ATG9A: variants seen among roughly 807,000 people sequenced by gnomAD.
The protein encoded by ATG9A is autophagy-related protein 9A.
In ATG9A, 21 loss-of-function variants were observed where a neutral mutation model predicts 87.1. That is an observed-to-expected ratio of 0.24 (90% CI 0.17 to 0.35). The LOEUF (loss-of-function observed/expected upper bound fraction) is 0.35. Ranked by LOEUF, ATG9A falls within the 10% of genes least tolerant of loss-of-function variation. The pLI is 1.00. For missense variants in ATG9A, 836 were observed against 1,107.3 expected (o/e 0.76, Z 3.48); for synonymous variants, 422 against 441.3 (o/e 0.96, Z 0.55).
In ATG9A at chr2:219,223,087, CTTTTTT is replaced by C. The variant is rs34309756; in HGVS notation, c.1600-200_1600-195del. On this transcript the variant is annotated intron_variant, in intron 10 of 15. Transcript: ENST00000361242. This position sits in a 1 kb window ranked among gnomAD's most constrained non-coding sequence, Gnocchi z 4.7. ...GCTGAGCCAGTTACTTGTGTTGTGC[CTTTTTT>C]TTTTTTTTTTTTGAGATGGAGTCTC... 7.4e-6 allele frequency among the ~76,000 whole-genome samples: 1 copy of C among 134,870 alleles called. No homozygotes were observed. 88.5% of individuals were successfully genotyped at this position (134,870 alleles called of 152,430 possible).
Position 219,220,403 on chromosome 2 carries a change from C to G in ATG9A, c.*44G>C, listed in dbSNP as rs746507601. On this transcript the variant is annotated 3_prime_UTR_variant, in exon 16 of 16. Coordinates refer to ENST00000361242, the MANE Select transcript of ATG9A (RefSeq NM_001077198.3). ...GCAGGCAGACGGGATGGCAGGGCAG[C>G]GGTGGCCTCCATCCTGGGCCACAGG... 6.2e-7 allele frequency: 1 copy of G among 1,609,422 alleles called. No individual in the cohort carries two copies. The highest frequency in any genetic ancestry group is 1.3e-5 in the African/African-American group (1 of 74,788).
rs1385817129 is a variant in ATG9A, at chr2:219,224,812, T to C, written c.559A>G (p.Ile187Val). ...TGGTGCTCCTTCTGCGTCTGCACGA[T>C]CCGGGCCTGCACTTCTTGCCACGTG... ...YCTWQEVQAR[I>V]VQTQKEHQIC... Residue 187 changes from isoleucine (I) to valine (V), a missense_variant, in exon 8 of 16, where the codon ATC becomes GTC. Physicochemically the swap from Ile to Val is conservative, Grantham distance 29. Coordinates refer to ENST00000361242, the MANE Select transcript of ATG9A (RefSeq NM_001077198.3). The surrounding 1 kb of genome is among the most constrained non-coding windows in gnomAD (Gnocchi z 7.7). 6.2e-7 allele frequency: 1 copy of C among 1,614,100 alleles called. No individual in the cohort carries two copies. Among genetic ancestry groups the C allele is most frequent in the Admixed American group, 1.7e-5 (1 of 60,032 alleles).
chr2:219,222,781 C>A lies in ATG9A; in HGVS notation c.1712G>T (p.Arg571Leu), dbSNP rs1394036417. ...AITNPGWQPP[R>L]ESTAFLGFLK... is the part of the protein sequence containing the mutation. Reference sequence around the variant, plus strand: ...GAAGCCTAGGAAGGCTGTGCTCTCACGTGGTGGCTGCCAGCCAGGGTTGGT... The same window carrying A: ...GAAGCCTAGGAAGGCTGTGCTCTCAAGTGGTGGCTGCCAGCCAGGGTTGGT... The change falls in exon 11 of 16, where the codon CGT (arginine) becomes CTT (leucine). Residue 571 changes from arginine to leucine, a missense_variant. This residue lies in a region of ATG9A where 512 missense variants were observed against 759.6 expected (regional missense o/e 0.67). Coordinates refer to ENST00000361242, the MANE Select transcript of ATG9A (RefSeq NM_001077198.3). The surrounding 1 kb of genome is among the most constrained non-coding windows in gnomAD (Gnocchi z 4.3). 12 of 1,614,226 alleles carry A rather than the reference C, an allele frequency of 7.4e-6. No homozygotes were observed. In the South Asian group the frequency reaches 1.3e-4, roughly 18 times the overall value.
rs762480185 is a variant in ATG9A, at chr2:219,222,342, G to A, written c.1957C>T (p.Arg653Cys). The change falls in exon 12 of 16, where the codon CGC (arginine) becomes TGC (cysteine). Residue 653 changes from arginine to cysteine, a missense_variant. Physicochemically the swap from Arg to Cys is radical, Grantham distance 180. Coordinates refer to ENST00000361242, the MANE Select transcript of ATG9A (RefSeq NM_001077198.3). This position sits in a 1 kb window ranked among gnomAD's most constrained non-coding sequence, Gnocchi z 4.3. ...RHRAEVASAL[R>C]SFSPLQPGQA... is the part of the protein sequence containing the mutation. Reference sequence around the variant, plus strand: ...CCGGGTTGCAGCGGGGAGAAGGAGCGCAGGGCAGAGGCGACTTCAGCCCTG... The same window carrying A: ...CCGGGTTGCAGCGGGGAGAAGGAGCACAGGGCAGAGGCGACTTCAGCCCTG... The A allele has an allele frequency of 8.7e-6, 14 of 1,613,230 alleles. No homozygotes were observed. Among genetic ancestry groups the A allele is most frequent in the Admixed American group, 3.3e-5 (2 of 60,008 alleles).
Position 219,222,491 on chromosome 2 carries a change from A to G in ATG9A, c.1849-41T>C, listed in dbSNP as rs1197739368. 1 of 1,543,230 alleles carries G rather than the reference A, an allele frequency of 6.5e-7. No homozygotes were observed. Among genetic ancestry groups the G allele is most frequent in the Non-Finnish European group, 8.7e-7 (1 of 1,146,018 alleles). The stretch of plus-strand genomic sequence containing the variant: ...GTAGGTAGAATTCTTGAGGCAAGAG[A>G]AAGGTCTCTGGGGTCCCCTAGTATT... On this transcript the variant is annotated intron_variant, in intron 11 of 15. Coordinates refer to ENST00000361242, the MANE Select transcript of ATG9A (RefSeq NM_001077198.3). The surrounding 1 kb of genome is among the most constrained non-coding windows in gnomAD (Gnocchi z 4.3).
Position 219,223,477 on chromosome 2 carries a change from A to C in ATG9A, c.1599+108T>G. ...CTCCCAAGCAGTGTGCCCCTGGTAT[A>C]GGACTGCCTTTGTGTGACTCAGGAG... On this transcript the variant is annotated intron_variant, in intron 10 of 15. Coordinates refer to ENST00000361242, the MANE Select transcript of ATG9A (RefSeq NM_001077198.3). This position sits in a 1 kb window ranked among gnomAD's most constrained non-coding sequence, Gnocchi z 4.7. 1 of 1,298,572 alleles carries C rather than the reference A, an allele frequency of 7.7e-7. No homozygotes were observed. The highest frequency in any genetic ancestry group is 2.5e-5 in the East Asian group (1 of 40,616). The allele number at this position is 1,298,572 out of a possible 1,614,324, so 80.4% of individuals were successfully genotyped here. A position where few individuals can be genotyped will look rare whatever the true frequency, so the allele number is the denominator to read the frequency against.
intron 13 of ATG9A, among the ~76,000 whole-genome samples, chr2:219,221,727 C>G (rs1250330074): frequency 2.0e-5 from 3 of 152,008 alleles, no homozygotes; most frequent in African/African-American, 4.8e-5. Flanking sequence ...ATGGAGAAAA[C>G]TAAGACAGGA....
rs375430606 is a variant in ATG9A at position 219,225,443 on chromosome 2, G to A, written c.342C>T (p.Asp114=). Residue 114 remains aspartate, a synonymous_variant, in exon 6 of 16, where the codon GAC becomes GAT. Transcript: ENST00000361242. ...TACAGACTTGAGCAGGCAAAAAGGC[G>A]TCTGGCAGAGTGACCTTGACGGGTT... ...PTEPVKVTLP[D]AFLPAQVCSA... is the part of the protein sequence containing the mutation. 4.3e-5 allele frequency: 70 copies of A among 1,614,092 alleles called. No homozygotes were observed. In the East Asian group the frequency reaches 4.7e-4, roughly 11 times the overall value.
In ATG9A at chr2:219,224,755, G is replaced by C; in HGVS notation, c.616C>G (p.Leu206Val). 6.2e-7 allele frequency: 1 copy of C among 1,614,208 alleles called. No homozygotes were observed. The highest frequency in any genetic ancestry group is 8.5e-7 in the Non-Finnish European group (1 of 1,180,036). Residue 206 changes from leucine to valine, a missense_variant, in exon 8 of 16, where the codon CTG becomes GTG. Physicochemically the swap from Leu to Val is conservative, Grantham distance 32 (BLOSUM62 1). Transcript: ENST00000361242. This position sits in a 1 kb window ranked among gnomAD's most constrained non-coding sequence, Gnocchi z 7.7. ...ICIHKRELTE[L>V]DIYHRILRFQ... is the part of the protein sequence containing the mutation. ...CGGAGGATGCGGTGGTAGATGTCCA[G>C]TTCTGTCAGCTCACGTTTGTGGATG...
At position 219,222,691 on chromosome 2, in the gene ATG9A, T is replaced by G. The variant is rs755355157; in HGVS notation, c.1802A>C (p.Glu601Ala). Residue 601 changes from glutamate to alanine, a missense_variant, in exon 11 of 16, where the codon GAA becomes GCA. Glu to Ala is a moderately radical substitution (Grantham distance 107). Transcript: ENST00000361242. The surrounding 1 kb of genome is among the most constrained non-coding windows in gnomAD (Gnocchi z 4.3). Reference protein sequence around the residue: ...ASLAQGGLLPENALFTSIQSL... With the variant: ...ASLAQGGLLPANALFTSIQSL... ...CTGGATAGACGTAAAGAGGGCATTT[T>G]CAGGGAGCAGACCCCCTTGGGCGAG... 1.2e-6 allele frequency: 2 copies of G among 1,614,222 alleles called. No individual in the cohort carries two copies.
At position 219,225,089 on chromosome 2, in the gene ATG9A, G is replaced by A. The variant is rs368702987; in HGVS notation, c.498C>T (p.His166=). 25 of 1,614,086 alleles carry A rather than the reference G, an allele frequency of 1.5e-5. No homozygotes were observed. The highest frequency in any genetic ancestry group is 8.0e-5 in the African/African-American group (6 of 74,946). ...CYWEIHSFYL[H]ALRIPMSALP... is the part of the protein sequence containing the mutation. ...GTCTTACCATAGGGATGCGCAGAGC[G>A]TGCAGGTAGAAGGAGTGGATCTCCC... Residue 166 remains histidine (H), a synonymous_variant, in exon 7 of 16, where the codon CAC becomes CAT. Transcript: ENST00000361242.
chr2:219,227,351 T>C (rs929045056), intron 4 of ATG9A, among the ~76,000 whole-genome samples: 1 of 152,160 alleles, frequency 6.6e-6, no homozygotes, highest in Non-Finnish European at 1.5e-5. Context: ...ACCCTGTCTC[T>C]ATGAAAAATA....
At position 219,220,406 on chromosome 2, in the gene ATG9A, T is replaced by C. The variant is rs1574823037; in HGVS notation, c.*41A>G. 1 of 1,610,798 alleles carries C rather than the reference T, an allele frequency of 6.2e-7. No homozygotes were observed. The highest frequency in any genetic ancestry group is 8.5e-7 in the Non-Finnish European group (1 of 1,177,642). On this transcript the variant is annotated 3_prime_UTR_variant, in exon 16 of 16. Transcript: ENST00000361242. ...GGCAGACGGGATGGCAGGGCAGCGG[T>C]GGCCTCCATCCTGGGCCACAGGAAC... is the stretch of plus-strand genomic sequence containing the variant.
In ATG9A at chr2:219,221,203, C is replaced by A. The variant is rs1409038945; in HGVS notation, c.2245G>T (p.Gly749Cys). The A allele has an allele frequency of 6.3e-7, 1 of 1,591,636 alleles. No individual in the cohort carries two copies. Among genetic ancestry groups the A allele is most frequent in the Non-Finnish European group, 8.6e-7 (1 of 1,169,414 alleles). Residue 749 changes from glycine to cysteine, a missense_variant, in exon 14 of 16, where the codon GGC becomes TGC. By Grantham distance (159) the Gly-to-Cys change is radical (BLOSUM62 -3). This residue lies in a region of ATG9A where 324 missense variants were observed against 347.6 expected (regional missense o/e 0.93). Transcript: ENST00000361242. ...GESAPDEGGEGARAPQSIPRS... is the reference protein window; with the variant it reads ...GESAPDEGGECARAPQSIPRS... ...GGGATAGACTGGGGGGCCCGGGCGC[C>A]CTCTCCCCCTTCATCAGGGGCGCTT... is the stretch of plus-strand genomic sequence containing the variant.
chr2:219,224,011 G>A lies in ATG9A; in HGVS notation c.1277C>T (p.Pro426Leu), dbSNP rs973099731. ...AGGGCAGAACACCATGTGCTGGTCC[G>A]GGATAAAGGACCTAGTGGGATCAGG... ...VTVTVCRSFI[P>L]DQHMVFCPEQ... The change falls in exon 9 of 16, where the codon CCG (proline) becomes CTG (leucine). Residue 426 changes from proline to leucine, a missense_variant. This residue lies in a region of ATG9A where 512 missense variants were observed against 759.6 expected (regional missense o/e 0.67). Coordinates refer to ENST00000361242, the MANE Select transcript of ATG9A (RefSeq NM_001077198.3). The surrounding 1 kb of genome is among the most constrained non-coding windows in gnomAD (Gnocchi z 7.7). 7 of 1,611,082 alleles carry A rather than the reference G, an allele frequency of 4.3e-6. No homozygotes were observed. Among genetic ancestry groups the A allele is most frequent in the Admixed American group, 3.3e-5 (2 of 59,844 alleles).
At position 219,224,996 on chromosome 2, in the gene ATG9A, T is replaced by A; in HGVS notation, c.516+75A>T. ...TTTGTCAATGACAGATAAGGATAAC[T>A]GATGCCCAGGAATACACCCACACCT... is the stretch of plus-strand genomic sequence containing the variant. On this transcript the variant is annotated intron_variant, in intron 7 of 15. Coordinates refer to ENST00000361242, the MANE Select transcript of ATG9A (RefSeq NM_001077198.3). The surrounding 1 kb of genome is among the most constrained non-coding windows in gnomAD (Gnocchi z 7.7). 1 of 1,593,056 alleles carries A rather than the reference T, an allele frequency of 6.3e-7. No individual in the cohort carries two copies. Among genetic ancestry groups the A allele is most frequent in the Non-Finnish European group, 8.6e-7 (1 of 1,163,210 alleles).
At position 219,224,154 on chromosome 2, in the gene ATG9A, T is replaced by A. The variant is rs1466994267; in HGVS notation, c.1217A>T (p.His406Leu). 1.2e-6 allele frequency: 2 copies of A among 1,613,758 alleles called. No individual in the cohort carries two copies. Among genetic ancestry groups the A allele is most frequent in the East Asian group, 2.2e-5 (1 of 44,874 alleles). The stretch of plus-strand genomic sequence containing the variant: ...CAGGAGTGTGACGGTGGTCAGCACA[T>A]GTTCCACAGCCAACACATCTTCGTC... ...IYDEDVLAVE[H>L]VLTTVTLLGV... The change falls in exon 8 of 16, where the codon CAT becomes CTT. Residue 406 changes from histidine (H) to leucine (L), a missense_variant. Transcript: ENST00000361242. This position sits in a 1 kb window ranked among gnomAD's most constrained non-coding sequence, Gnocchi z 7.7.
intron 5 of ATG9A, 53 bp downstream of exon 5, chr2:219,226,816 G>A (rs1173061753): frequency 6.5e-7 from 1 of 1,535,912 alleles, no homozygotes; most frequent in Non-Finnish European, 9.0e-7. Flanking sequence ...GCAAGGAGAG[G>A]AAAGACTAAG....
At position 219,220,343 on chromosome 2, in the gene ATG9A, TG is replaced by T; in HGVS notation, c.*103del. The T allele has an allele frequency of 6.9e-7, 1 of 1,455,186 alleles. No homozygotes were observed. Among genetic ancestry groups the T allele is most frequent in the Non-Finnish European group, 9.5e-7 (1 of 1,048,522 alleles). 90.1% of individuals were successfully genotyped at this position (1,455,186 alleles called of 1,614,324 possible). A position where few individuals can be genotyped will look rare whatever the true frequency, so the allele number is the denominator to read the frequency against. On this transcript the variant is annotated 3_prime_UTR_variant, in exon 16 of 16. Transcript: ENST00000361242. ...CACAGACACACAAACACCACACACGTGGGGCCAGGGAACACTCAGAGGAGCC... is the reference window on the plus strand; with the variant it reads ...CACAGACACACAAACACCACACACGTGGGCCAGGGAACACTCAGAGGAGCC...
Sources: allele counts gnomAD v4.1 joint callset (sites outside exome capture counted in the v4.1 genomes callset), GRCh38; gene constraint gnomAD v4.1.1; regional missense constraint gnomAD v4.1.1; non-coding constraint Gnocchi (gnomAD v3.1); transcripts MANE v1.5; gene names NCBI Gene and HGNC (gene_info 2026-07-23, HGNC 2026-07-21).